FHDC1: variants seen among roughly 807,000 people sequenced by gnomAD.
FHDC1 encodes the protein FH2 domain containing 1.
In FHDC1, 25 loss-of-function variants were observed where a neutral mutation model predicts 52.6. The observed-to-expected ratio is 0.48, with a 90% CI of 0.35 to 0.66. FHDC1 has a LOEUF of 0.66. Ranked by LOEUF, FHDC1 falls within the 30% of genes least tolerant of loss-of-function variation. The probability of loss-of-function intolerance (pLI) is 0.01; values close to 1 mark genes in which losing one functional copy is unlikely to be tolerated. For synonymous variants in FHDC1, 616 were observed against 581.5 expected (o/e 1.06, Z -0.85); for missense variants, 1,459 against 1,452.8 (o/e 1.00, Z -0.07).
At chr4:152,973,625 C>G (rs886523043) in intron 11 of FHDC1, among the ~76,000 whole-genome samples, 1 of 152,220 alleles carries the variant, frequency 6.6e-6, no homozygotes, top group African/African-American at 2.4e-5. Flanking sequence ...AAAGAAGGCC[C>G]GAGAGACTTG....
At chr4:152,948,069 G>A (rs896196443) in intron 2 of FHDC1, among the ~76,000 whole-genome samples, 1 of 152,032 alleles carries the variant, frequency 6.6e-6, no homozygotes, top group African/African-American at 2.4e-5. Context: ...TTTCCCCAAA[G>A]TTGGGAGAGA....
At chr4:152,966,990 C>A (rs1740482374) in intron 9 of FHDC1, among the ~76,000 whole-genome samples, 1 of 152,218 alleles carries the variant, frequency 6.6e-6, no homozygotes, top group South Asian at 2.1e-4. Context: ...TGTGGTGGCG[C>A]ACACCTGTGA....
chr4:152,918,809 GC>G, the FHDC1 span, among the ~76,000 whole-genome samples: 7 of 152,324 alleles, frequency 4.6e-5, no homozygotes, highest in East Asian at 9.6e-4. Context: ...TTCCCTTCAT[GC>G]ACTCTTACAT....
At chr4:152,918,511 C>G in the FHDC1 span, 1 of 152,246 alleles carries the variant, frequency 6.6e-6, no homozygotes, top group African/African-American at 2.4e-5. Flanking sequence ...TGTTTAAAAG[C>G]AGGCATCCCC....
rs751693847 is a variant in FHDC1 at position 152,972,437 on chromosome 4, T to C, written c.1279T>C (p.Tyr427His). 20 of 1,613,928 alleles carry C rather than the reference T, an allele frequency of 1.2e-5. No individual in the cohort carries two copies. The highest frequency in any genetic ancestry group is 1.7e-5 in the Non-Finnish European group (20 of 1,179,968). The change falls in exon 11 of 12, where the codon TAC becomes CAC. Residue 427 changes from tyrosine (Y) to histidine (H), a missense_variant. This residue lies in a region of FHDC1 where 513 missense variants were observed against 581.5 expected (regional missense o/e 0.88). Coordinates refer to ENST00000511601, the MANE Select transcript of FHDC1 (RefSeq NM_001371116.1). The stretch of plus-strand genomic sequence containing the variant: ...GAAACAAGAGCTCCAGGATGAGGCC[T>C]ACACCCTTATAGATTTTTTCTGTGA... ...CWKQELQDEA[Y>H]TLIDFFCEDK...
chr4:152,975,046 C>T lies in FHDC1; in HGVS notation c.1755C>T (p.Cys585=). 1 of 1,612,460 alleles carries T rather than the reference C, an allele frequency of 6.2e-7. No homozygotes were observed. ...SPRQARPTIA[C]LEPAEVRHQD... is the part of the protein sequence containing the mutation. ...GGCAGGCCCGGCCCACGATAGCCTG[C>T]CTGGAGCCTGCAGAAGTGAGGCACC... Residue 585 remains cysteine (C), a synonymous_variant, in exon 12 of 12, where the codon TGC becomes TGT. Coordinates refer to ENST00000511601, the MANE Select transcript of FHDC1 (RefSeq NM_001371116.1).
At position 152,975,864 on chromosome 4, in the gene FHDC1, A is replaced by G; in HGVS notation, c.2573A>G (p.Asp858Gly). Residue 858 changes from aspartate (D) to glycine (G), a missense_variant, in exon 12 of 12, where the codon GAT becomes GGT. Asp to Gly is a moderately conservative substitution (Grantham distance 94). Coordinates refer to ENST00000511601, the MANE Select transcript of FHDC1 (RefSeq NM_001371116.1). ...LPRDKPTKRK[D>G]VVAPKRGSLK... is the part of the protein sequence containing the mutation. ...AGGGACAAACCCACCAAAAGGAAAG[A>G]TGTTGTAGCACCAAAGAGAGGCTCC... 1.3e-6 allele frequency: 2 copies of G among 1,514,498 alleles called. No homozygotes were observed. Among genetic ancestry groups the G allele is most frequent in the Non-Finnish European group, 1.8e-6 (2 of 1,132,776 alleles). The allele number at this position is 1,514,498 out of a possible 1,614,324, so 93.8% of individuals were successfully genotyped here.
intron 9 of FHDC1, among the ~76,000 whole-genome samples, chr4:152,966,590 G>T (rs932995021): frequency 7.9e-5 from 12 of 152,062 alleles, no homozygotes; most frequent in African/African-American, 2.9e-4. Context: ...CTCCCAAGTA[G>T]CTGGGACTAC....
the FHDC1 span, among the ~76,000 whole-genome samples, chr4:152,914,711 T>TA: frequency 6.6e-6 from 1 of 152,216 alleles, no homozygotes; most frequent in Non-Finnish European, 1.5e-5. Flanking sequence ...TTCTATGACT[T>TA]AGACTTTCAT....
chr4:152,975,207 G>T lies in FHDC1; in HGVS notation c.1916G>T (p.Arg639Leu). Residue 639 changes from arginine to leucine, a missense_variant, in exon 12 of 12, where the codon CGC becomes CTC. This residue lies in a region of FHDC1 where 939 missense variants were observed against 854.5 expected (regional missense o/e 1.10). Transcript: ENST00000511601. ...NHASAFPRAR[R>L]QGVSVLRKRY... is the part of the protein sequence containing the mutation. Reference sequence around the variant, plus strand: ...GCCTCTGCCTTCCCCAGAGCTCGGCGCCAGGGCGTCAGTGTCCTCCGAAAG... The same window carrying T: ...GCCTCTGCCTTCCCCAGAGCTCGGCTCCAGGGCGTCAGTGTCCTCCGAAAG... 2 of 1,613,242 alleles carry T rather than the reference G, an allele frequency of 1.2e-6. No individual in the cohort carries two copies. Among genetic ancestry groups the T allele is most frequent in the Non-Finnish European group, 1.7e-6 (2 of 1,180,012 alleles).
At chr4:152,938,275 G>A (rs1455591124) in intron 1 of FHDC1, among the ~76,000 whole-genome samples, 1 of 150,670 alleles carries the variant, frequency 6.6e-6, no homozygotes, top group African/African-American at 2.4e-5. Flanking sequence ...CTCTGCTCTC[G>A]GGTGTTGGTC....
upstream of FHDC1, among the ~76,000 whole-genome samples, chr4:152,934,560 A>G (rs1477796209): frequency 6.6e-6 from 1 of 152,190 alleles, no homozygotes; most frequent in African/African-American, 2.4e-5. Flanking sequence ...AAGTTCCCCC[A>G]GGAGTTATAC....
chr4:152,964,868 A>T, intron 8 of FHDC1, 37 bp from the exon 9 acceptor site: 1 of 1,540,756 alleles, frequency 6.5e-7, no homozygotes, highest in Non-Finnish European at 8.9e-7. Context: ...TTCCAGTTTT[A>T]TCAACATAGT....
intron 4 of FHDC1, among the ~76,000 whole-genome samples, chr4:152,956,397 TGAGGTGGGAAACTG>T: frequency 6.6e-6 from 1 of 152,160 alleles, no homozygotes; most frequent in Non-Finnish European, 1.5e-5. Context: ...CATGCAGTGG[TGAGGTGGGAAACTG>T]AATACAATTT....
chr4:152,939,029 A>T (rs1241615386), intron 1 of FHDC1, among the ~76,000 whole-genome samples: 1 of 152,090 alleles, frequency 6.6e-6, no homozygotes, highest in Admixed American at 6.5e-5. Context: ...TGAAGCCTAT[A>T]TACTCTTTTT....
chr4:152,925,465 G>A, the FHDC1 span, among the ~76,000 whole-genome samples: 1 of 152,142 alleles, frequency 6.6e-6, no homozygotes, highest in African/African-American at 2.4e-5. Context: ...AAATCAGATA[G>A]CTAAATTTAC....
Position 152,963,051 on chromosome 4 carries a change from T to C in FHDC1, c.950T>C (p.Phe317Ser). The change falls in exon 8 of 12, where the codon TTT becomes TCT. Residue 317 changes from phenylalanine (F) to serine (S), a missense_variant. Transcript: ENST00000511601. Reference sequence around the variant, plus strand: ...GGGTATGCCGGCAATGCAGTAGGATTTAAACTGTCTTCTTTGCTCAAATTG... The same window carrying C: ...GGGTATGCCGGCAATGCAGTAGGATCTAAACTGTCTTCTTTGCTCAAATTG... ...AGGYAGNAVGFKLSSLLKLAD... is the reference protein window; with the variant it reads ...AGGYAGNAVGSKLSSLLKLAD... 6.2e-7 allele frequency: 1 copy of C among 1,613,664 alleles called. No homozygotes were observed. Among genetic ancestry groups the C allele is most frequent in the Non-Finnish European group, 8.5e-7 (1 of 1,179,964 alleles).
At chr4:152,936,499 G>A (rs1227146496) in intron 1 of FHDC1, 90 bp downstream of exon 1, 2 of 152,302 alleles carry the variant, frequency 1.3e-5, no homozygotes, top group Non-Finnish European at 2.9e-5. Context: ...GTCAGGGTTG[G>A]GGTGTTGTCC....
In FHDC1 at chr4:152,976,389, C is replaced by T. The variant is rs767132760; in HGVS notation, c.3098C>T (p.Pro1033Leu). 2 of 1,613,832 alleles carry T rather than the reference C, an allele frequency of 1.2e-6. No individual in the cohort carries two copies. Among genetic ancestry groups the T allele is most frequent in the Non-Finnish European group, 1.7e-6 (2 of 1,180,032 alleles). ...PSVPHELPRV[P>L]SFARNTVASS... ...GTCCCCCACGAACTACCCCGTGTCCCGAGCTTTGCCCGGAACACAGTGGCC... is the reference window on the plus strand; with the variant it reads ...GTCCCCCACGAACTACCCCGTGTCCTGAGCTTTGCCCGGAACACAGTGGCC... The change falls in exon 12 of 12, where the codon CCG becomes CTG. Residue 1033 changes from proline to leucine, a missense_variant. This residue lies in a region of FHDC1 where 939 missense variants were observed against 854.5 expected (regional missense o/e 1.10). Coordinates refer to ENST00000511601, the MANE Select transcript of FHDC1 (RefSeq NM_001371116.1).
Sources: allele counts gnomAD v4.1 joint callset (sites outside exome capture counted in the v4.1 genomes callset), GRCh38; gene constraint gnomAD v4.1.1; regional missense constraint gnomAD v4.1.1; transcripts MANE v1.5; gene names NCBI Gene and HGNC (gene_info 2026-07-23, HGNC 2026-07-21).